The following GABRG2 variants were observed in gnomAD, a reference collection of about 807,000 sequenced individuals.
GABRG2 encodes gamma-aminobutyric acid type A receptor subunit gamma2, also known as gamma-aminobutyric acid receptor subunit gamma-2.
A neutral mutation model predicts 56.4 loss-of-function variants in GABRG2; 16 were observed. That is an observed-to-expected ratio of 0.28 (90% CI 0.19 to 0.43). GABRG2 has a LOEUF of 0.43. Ranked by LOEUF, GABRG2 falls within the 20% of genes least tolerant of loss-of-function variation. The probability of loss-of-function intolerance (pLI) is 1.00; values close to 1 mark genes in which losing one functional copy is unlikely to be tolerated. For synonymous variants in GABRG2, 208 were observed against 205.5 expected (o/e 1.01, Z -0.10); for missense variants, 327 against 582.7 (o/e 0.56, Z 4.52).
chr5:162,114,428 A>T (rs553037619), intron 6 of GABRG2, among the ~76,000 whole-genome samples: 17 of 152,144 alleles, frequency 1.1e-4, no homozygotes, highest in African/African-American at 3.4e-4. Context: ...ATAAAAGATA[A>T]TGGGAGGCTG....
chr5:162,142,031 T>C (rs1185764695), intron 6 of GABRG2, 133 bp from the exon 7 acceptor site: 12 of 1,172,542 alleles, frequency 1.0e-5, no homozygotes, highest in Admixed American at 7.0e-5. Flanking sequence ...CGGGCAAAAA[T>C]AGTTTTCAAC....
intron 6 of GABRG2, among the ~76,000 whole-genome samples, chr5:162,139,978 A>C (rs534077489): frequency 6.6e-6 from 1 of 152,342 alleles, no homozygotes; most frequent in African/African-American, 2.4e-5. Flanking sequence ...ATCTCAAATT[A>C]AATCTTTTTA....
chr5:162,103,280 A>G (rs1419710511), intron 5 of GABRG2: 1 of 154,974 alleles, frequency 6.5e-6, no homozygotes, highest in Non-Finnish European at 1.4e-5. Flanking sequence ...TCTCTGTTCT[A>G]TTAGTACAAG....
chr5:162,081,107 CTG>C (rs1759628940), intron 1 of GABRG2, among the ~76,000 whole-genome samples: 1 of 151,914 alleles, frequency 6.6e-6, no homozygotes, highest in East Asian at 1.9e-4. Flanking sequence ...TGAACTTAAT[CTG>C]TGTATAAATC....
intron 7 of GABRG2, among the ~76,000 whole-genome samples, chr5:162,147,292 TTTC>T (rs1357308713): frequency 6.7e-6 from 1 of 149,696 alleles, no homozygotes; most frequent in Admixed American, 6.6e-5. Context: ...TTCTTTCTCC[TTTC>T]TTTCTTTCTT....
chr5:162,080,939 A>C (rs1327671198), intron 1 of GABRG2, among the ~76,000 whole-genome samples: 1 of 152,182 alleles, frequency 6.6e-6, no homozygotes, highest in African/African-American at 2.4e-5. Flanking sequence ...GTTTTTACAG[A>C]GCTAAATACT....
At chr5:162,114,137 A>G (rs965590415) in intron 6 of GABRG2, among the ~76,000 whole-genome samples, 23 of 152,278 alleles carry the variant, frequency 1.5e-4, no homozygotes, top group African/African-American at 5.5e-4. Flanking sequence ...TATCCTAAAC[A>G]TCTGAGAAAG....
intron 6 of GABRG2, among the ~76,000 whole-genome samples, chr5:162,132,880 T>C (rs1276596014): frequency 1.3e-5 from 2 of 152,012 alleles, no homozygotes; most frequent in East Asian, 3.9e-4. Context: ...TATACAAACA[T>C]TAAGTACATA....
chr5:162,148,997 A>T, intron 7 of GABRG2, 111 bp from the exon 8 acceptor site: 1 of 907,166 alleles, frequency 1.1e-6, no homozygotes, highest in South Asian at 1.3e-5. Flanking sequence ...CTCCTTTCCC[A>T]TTGCTGAAAC....
chr5:162,104,675 C>T (rs192827976), intron 6 of GABRG2, among the ~76,000 whole-genome samples: 2 of 152,182 alleles, frequency 1.3e-5, no homozygotes, highest in Admixed American at 1.3e-4. Context: ...TGATAGCTGG[C>T]ACATAGTGAG....
intron 1 of GABRG2, among the ~76,000 whole-genome samples, chr5:162,086,264 A>G (rs758317125): frequency 6.6e-6 from 1 of 152,042 alleles, no homozygotes; most frequent in Non-Finnish European, 1.5e-5. Flanking sequence ...CAAATATTGA[A>G]TCTTCTTTTA....
chr5:162,130,163 A>C (rs1763634474), intron 6 of GABRG2, among the ~76,000 whole-genome samples: 1 of 151,978 alleles, frequency 6.6e-6, no homozygotes, highest in South Asian at 2.1e-4. Context: ...ATATCCTTGA[A>C]TTTCACAAAA....
intron 2 of GABRG2, among the ~76,000 whole-genome samples, 192 bp from the exon 3 acceptor site, chr5:162,095,303 C>T (rs1760915068): frequency 6.6e-6 from 1 of 152,046 alleles, no homozygotes; most frequent in African/African-American, 2.4e-5. Flanking sequence ...GGTGCATGTG[C>T]ATACTTAAGA....
chr5:162,073,548 C>T (rs1178191586), intron 1 of GABRG2, among the ~76,000 whole-genome samples: 2 of 151,566 alleles, frequency 1.3e-5, no homozygotes, highest in East Asian at 1.9e-4. Context: ...AGTGAAGCAA[C>T]GATACTCAAT....
chr5:162,089,795 T>A (rs901039045), intron 1 of GABRG2, among the ~76,000 whole-genome samples: 1 of 152,120 alleles, frequency 6.6e-6, no homozygotes. Flanking sequence ...ATCCAAATAT[T>A]TGCTGTTCTA....
intron 2 of GABRG2, among the ~76,000 whole-genome samples, chr5:162,094,987 A>G (rs1166937761): frequency 6.6e-6 from 1 of 152,146 alleles, no homozygotes; most frequent in Non-Finnish European, 1.5e-5. Flanking sequence ...TGTGAGGATA[A>G]TGTGGTCATT....
chr5:162,081,802 C>CATAGCTAGTATGAATGAAAATGGT (rs1187644438), intron 1 of GABRG2, among the ~76,000 whole-genome samples: 1 of 151,952 alleles, frequency 6.6e-6, no homozygotes, highest in Non-Finnish European at 1.5e-5. Flanking sequence ...ACTCGAACTA[C>CATAGCTAGTATGAATGAAAATGGT]ATAGCTAGTA....
At chr5:162,085,474 T>C (rs1002291554) in intron 1 of GABRG2, among the ~76,000 whole-genome samples, 5 of 151,954 alleles carry the variant, frequency 3.3e-5, no homozygotes, top group African/African-American at 1.2e-4. Context: ...CCAGCATCCA[T>C]GGACAGTTGA....
intron 7 of GABRG2, among the ~76,000 whole-genome samples, chr5:162,146,085 C>T (rs1297300798): frequency 2.0e-5 from 3 of 152,044 alleles, no homozygotes; most frequent in Admixed American, 2.0e-4. Context: ...ACCACCACCA[C>T]TCCCAGTTTG....
Sources: gnomAD v4.1 joint callset for allele counts (sites outside exome capture counted in the v4.1 genomes callset) on GRCh38, gnomAD v4.1.1 for gene constraint, MANE v1.5 for transcripts, NCBI Gene and HGNC (gene_info 2026-07-23, HGNC 2026-07-21) for gene names.